Variants in MORC4 observed in about 807,000 individuals in gnomAD.
MORC4 encodes the protein MORC family CW-type zinc finger 4, also known as MORC family CW-type zinc finger protein 4.
In MORC4, 22 loss-of-function variants were observed where a neutral mutation model predicts 65.5. The observed-to-expected ratio is 0.34, with a 90% CI of 0.24 to 0.48. MORC4 has a LOEUF of 0.48. Ranked by LOEUF, MORC4 falls within the 20% of genes least tolerant of loss-of-function variation. MORC4 has a pLI of 0.99. For missense variants in MORC4, 624 were observed against 703.0 expected (o/e 0.89, Z 1.27); for synonymous variants, 267 against 255.8 (o/e 1.04, Z -0.42).
chrX:106,965,403 C>T (rs770647590), intron 9 of MORC4, among the ~76,000 whole-genome samples: 6 of 111,691 alleles, frequency 5.4e-5, no homozygotes, highest in Non-Finnish European at 7.5e-5. Context: ...ACACAAAAGA[C>T]GGCAATGTAG....
At chrX:106,961,319 C>T (rs1182262336) in intron 10 of MORC4, among the ~76,000 whole-genome samples, 2 of 112,203 alleles carry the variant, frequency 1.8e-5, no homozygotes, top group Admixed American at 1.9e-4. Context: ...ATTTAAATAG[C>T]CATCATCTTC....
intron 5 of MORC4, among the ~76,000 whole-genome samples, chrX:106,984,591 C>T (rs374719974): frequency 1.9e-5 from 2 of 104,000 alleles, no homozygotes; most frequent in African/African-American, 7.1e-5. Flanking sequence ...GCCTCAGCCT[C>T]CCAAGTAGCT....
chrX:106,954,984 A>G lies in MORC4; in HGVS notation c.1614T>C (p.Ser538=). The change falls in exon 14 of 17, where the codon TCT becomes TCC. Residue 538 remains serine (S), a synonymous_variant. Transcript: ENST00000355610. Reference sequence around the variant, plus strand: ...ATGGTGATCTGCTTTCTTCTCCACCAGAAGGAAGCACACTAGGGCTATGAA... The same window carrying G: ...ATGGTGATCTGCTTTCTTCTCCACCGGAAGGAAGCACACTAGGGCTATGAA... The part of the protein sequence containing the change: ...EGIHSPSVLP[S]GGEESRSPSL... 8.3e-7 allele frequency: 1 copy of G among 1,209,131 alleles called. No individual in the cohort carries two copies. Among genetic ancestry groups the G allele is most frequent in the Non-Finnish European group, 1.1e-6 (1 of 893,530 alleles).
In MORC4 at chrX:106,942,134, C is replaced by T. The variant is rs975991683; in HGVS notation, c.2464G>A (p.Ala822Thr). Residue 822 changes from alanine (A) to threonine (T), a missense_variant, in exon 16 of 17, where the codon GCG (alanine) becomes ACG (threonine). Ala to Thr is a moderately conservative substitution (Grantham distance 58). Transcript: ENST00000355610. ...HELVIYSTQE[A>T]EGLYWSKKHM... ...TTCTTGCTCCAGTACAAGCCTTCCGCCTCCTGGGTACTGTAGATCACCAAT... is the reference window on the plus strand; with the variant it reads ...TTCTTGCTCCAGTACAAGCCTTCCGTCTCCTGGGTACTGTAGATCACCAAT... The T allele has an allele frequency of 1.7e-6, 2 of 1,209,182 alleles. No individual in the cohort carries two copies. The highest frequency in any genetic ancestry group is 3.5e-5 in the African/African-American group (2 of 56,965).
In MORC4 at chrX:106,996,664, C is replaced by T. The variant is rs746970562; in HGVS notation, c.175+3013G>A. On this transcript the variant is annotated intron_variant, in intron 2 of 16. Coordinates refer to ENST00000355610, the MANE Select transcript of MORC4 (RefSeq NM_024657.5). ...GCACAATGAAAGAACCCTTACTCCT[C>T]TCTCCCTGCCCACCACTTAGGTGAG... is the stretch of plus-strand genomic sequence containing the variant. Among the ~76,000 whole-genome samples the T allele has an allele frequency of 3.0e-4, 33 of 111,823 alleles. 1 individual carries two copies. The South Asian group carries it at 0.012, about 42-fold the overall frequency.
chrX:106,972,600 G>A lies in MORC4; in HGVS notation c.1157+3984C>T, dbSNP rs751731986. Among the ~76,000 whole-genome samples, 7 of 111,548 alleles carry A rather than the reference G, an allele frequency of 6.3e-5. No homozygotes were observed. The East Asian group carries it at 8.5e-4, about 14-fold the overall frequency. Reference sequence around the variant, plus strand: ...TGGATGACATGAATATACATGACACGCATGGGAGACTCACAAGGTTCTTAA... The same window carrying A: ...TGGATGACATGAATATACATGACACACATGGGAGACTCACAAGGTTCTTAA... On this transcript the variant is annotated intron_variant, in intron 9 of 16. Coordinates refer to ENST00000355610, the MANE Select transcript of MORC4 (RefSeq NM_024657.5).
chrX:106,996,182 C>CTT lies in MORC4; in HGVS notation c.176-2822_176-2821dup, dbSNP rs565884580. Among the ~76,000 whole-genome samples, 138 of 85,240 alleles carry CTT rather than the reference C, an allele frequency of 1.6e-3. 1 individual carries two copies. Among genetic ancestry groups the CTT allele is most frequent in the African/African-American group, 5.0e-3 (117 of 23,193 alleles). 74.0% of individuals were successfully genotyped at this position (85,240 alleles called of 115,157 possible). A position where few individuals can be genotyped will look rare whatever the true frequency, so the allele number is the denominator to read the frequency against. ...AGTTTTGCCCAAACTTTACTAGGTA[C>CTT]TTTTTTTTTTTTTTTTTTTTTTACA... On this transcript the variant is annotated intron_variant, in intron 2 of 16. Coordinates refer to ENST00000355610, the MANE Select transcript of MORC4 (RefSeq NM_024657.5).
chrX:106,967,717 G>C (rs1436963981), intron 9 of MORC4, among the ~76,000 whole-genome samples: 1 of 111,847 alleles, frequency 8.9e-6, no homozygotes. Flanking sequence ...AAGGAAATCA[G>C]TGATTGAAGA....
rs556145751 is a variant in MORC4, at chrX:106,961,765, C to T, written c.1256+247G>A. 7.2e-5 allele frequency among the ~76,000 whole-genome samples: 8 copies of T among 111,704 alleles called. No individual in the cohort carries two copies. The South Asian group carries it at 3.1e-3, about 43-fold the overall frequency. On this transcript the variant is annotated intron_variant, in intron 10 of 16. Coordinates refer to ENST00000355610, the MANE Select transcript of MORC4 (RefSeq NM_024657.5). Reference sequence around the variant, plus strand: ...AAGCAGTGGCAACCCACTCAGGTCCCCTTCCAAGCTGTGGAAGCTTTGTCC... The same window carrying T: ...AAGCAGTGGCAACCCACTCAGGTCCTCTTCCAAGCTGTGGAAGCTTTGTCC...
intron 3 of MORC4, among the ~76,000 whole-genome samples, chrX:106,990,211 T>C (rs1219950329): frequency 9.1e-6 from 1 of 110,171 alleles, no homozygotes; most frequent in Non-Finnish European, 1.9e-5. Flanking sequence ...TAGAATCCTT[T>C]GCTGGAAGTT....
intron 11 of MORC4, among the ~76,000 whole-genome samples, chrX:106,957,745 T>C (rs371146094): frequency 8.9e-6 from 1 of 111,880 alleles, no homozygotes; most frequent in East Asian, 2.8e-4. Context: ...GCGCTGAATA[T>C]ACAATAGGTA....
chrX:106,981,566 T>C (rs1175433732), intron 5 of MORC4, 89 bp from the exon 6 acceptor site: 6 of 840,689 alleles, frequency 7.1e-6, no homozygotes, highest in Non-Finnish European at 8.3e-6. Context: ...AAAAAAACAA[T>C]ATGAGCCAAA....
intron 16 of MORC4, 30 bp from the exon 17 acceptor site, chrX:106,941,662 G>C (rs758840075): frequency 1.7e-6 from 2 of 1,188,682 alleles, no homozygotes; most frequent in Non-Finnish European, 2.3e-6. Context: ...GGCAGGAGAA[G>C]AGATGACATG....
At chrX:106,990,540 G>A (rs1212643965) in intron 3 of MORC4, among the ~76,000 whole-genome samples, 1 of 112,438 alleles carries the variant, frequency 8.9e-6, no homozygotes, top group Non-Finnish European at 1.9e-5. Flanking sequence ...TTATAGGCAT[G>A]AGCCACCATG....
chrX:106,942,117 C>G lies in MORC4; in HGVS notation c.2481G>C (p.Trp827Cys). ...GGCGATAACCCATGTGTTTCTTGCT[C>G]CAGTACAAGCCTTCCGCCTCCTGGG... The part of the protein sequence containing the change: ...YSTQEAEGLY[W>C]SKKHMGYRQA... The change falls in exon 16 of 17, where the codon TGG (tryptophan) becomes TGC (cysteine). Residue 827 changes from tryptophan to cysteine, a missense_variant. Coordinates refer to ENST00000355610, the MANE Select transcript of MORC4 (RefSeq NM_024657.5). 8.3e-7 allele frequency: 1 copy of G among 1,211,170 alleles called. No homozygotes were observed. The highest frequency in any genetic ancestry group is 1.1e-6 in the Non-Finnish European group (1 of 895,281).
chrX:106,941,590 A>G lies in MORC4; in HGVS notation c.2703T>C (p.Tyr901=). The change falls in exon 17 of 17, where the codon TAT becomes TAC. Residue 901 remains tyrosine, a synonymous_variant. Coordinates refer to ENST00000355610, the MANE Select transcript of MORC4 (RefSeq NM_024657.5). The part of the protein sequence containing the change: ...KLTRLRIHVS[Y]LLTSVLPHLE... ...AGTGAGGGAGGACAGAAGTAAGGAG[A>G]TAGCTGACGTGGATACGTAGCCGCG... 1 of 1,210,932 alleles carries G rather than the reference A, an allele frequency of 8.3e-7. No homozygotes were observed. Among genetic ancestry groups the G allele is most frequent in the South Asian group, 1.8e-5 (1 of 56,919 alleles).
At chrX:106,999,088 GA>G (rs754888169) in intron 2 of MORC4, among the ~76,000 whole-genome samples, 3 of 111,885 alleles carry the variant, frequency 2.7e-5, no homozygotes, top group Non-Finnish European at 3.8e-5. Context: ...AACACCGGTG[GA>G]GCGAGAGGTT....
intron 14 of MORC4, among the ~76,000 whole-genome samples, chrX:106,947,212 T>A (rs1191476591): frequency 1.8e-5 from 2 of 110,419 alleles, no homozygotes; most frequent in Admixed American, 9.8e-5. Flanking sequence ...ATCCTTTGTA[T>A]GATTGTCAAT....
At chrX:106,978,690 T>C (rs1222500177) in intron 7 of MORC4, among the ~76,000 whole-genome samples, 3 of 111,111 alleles carry the variant, frequency 2.7e-5, no homozygotes, top group African/African-American at 9.8e-5. Flanking sequence ...ATCAGTGATT[T>C]AAAAATTGAC....
Sources: gnomAD v4.1 joint callset for allele counts (sites outside exome capture counted in the v4.1 genomes callset) on GRCh38, gnomAD v4.1.1 for gene constraint, MANE v1.5 for transcripts, NCBI Gene and HGNC (gene_info 2026-07-23, HGNC 2026-07-21) for gene names.